Variants in CCDC88C observed in about 807,000 individuals in gnomAD.
CCDC88C encodes the protein protein Daple.
Under a neutral mutation model 198.8 loss-of-function variants are expected in CCDC88C, and 131 were observed. That is an observed-to-expected ratio of 0.66 (90% CI 0.57 to 0.76). The LOEUF is 0.76. Among genes scored for constraint, CCDC88C ranks in the 30% least tolerant of loss-of-function variants. CCDC88C has a pLI of 0.00. For missense variants in CCDC88C, 2,553 were observed against 2,631.6 expected (o/e 0.97, Z 0.65); for synonymous variants, 1,166 against 1,114.7 (o/e 1.05, Z -0.92).
At chr14:91,322,957 G>A (rs1892421446) in intron 12 of CCDC88C, among the ~76,000 whole-genome samples, 2 of 147,458 alleles carry the variant, frequency 1.4e-5, no homozygotes, top group Admixed American at 1.4e-4. Flanking sequence ...CCAGGCTGGA[G>A]TGCAGTGGTG....
Position 91,288,965 on chromosome 14 carries a change from TC to T in CCDC88C, c.4441+139del. 1.5e-6 allele frequency: 1 copy of T among 652,496 alleles called. No homozygotes were observed. The highest frequency in any genetic ancestry group is 2.4e-5 in the Admixed American group (1 of 41,978). 40.4% of individuals were successfully genotyped at this position (652,496 alleles called of 1,614,324 possible). ...TCGCCACGCTGAATTTCTACTTGGCTCGTAACACATCTAAGCGAAGGCGCAC... is the reference window on the plus strand; with the variant it reads ...TCGCCACGCTGAATTTCTACTTGGCTGTAACACATCTAAGCGAAGGCGCAC... On this transcript the variant is annotated intron_variant, in intron 25 of 29. Transcript: ENST00000389857. The surrounding 1 kb of genome is among the most constrained non-coding windows in gnomAD (Gnocchi z 4.2).
At chr14:91,310,118 CTG>C in intron 15 of CCDC88C, 132 bp from the exon 16 acceptor site, 4 of 876,922 alleles carry the variant, frequency 4.6e-6, no homozygotes, top group South Asian at 2.2e-5. Flanking sequence ...CGAGGGGACT[CTG>C]AACCCCAGGG....
chr14:91,359,428 C>A (rs148147567), intron 4 of CCDC88C, among the ~76,000 whole-genome samples: 1,769 of 152,294 alleles, frequency 0.012, 33 homozygotes, highest in African/African-American at 0.039. Context: ...TGAGCCACCG[C>A]GCCCGGCCTG....
At chr14:91,293,333 A>C in intron 23 of CCDC88C, among the ~76,000 whole-genome samples, 1 of 49,124 alleles carries the variant, frequency 2.0e-5, no homozygotes, top group Non-Finnish European at 3.9e-5. Flanking sequence ...CACCTGCCAA[A>C]GCTCACCTTC....
In CCDC88C at chr14:91,377,705, T is replaced by C. The variant is rs76282107; in HGVS notation, c.271-17994A>G. 9.7e-3 allele frequency among the ~76,000 whole-genome samples: 1,473 copies of C among 152,298 alleles called. 28 individuals carry two copies. Among genetic ancestry groups the C allele is most frequent in the African/African-American group, 0.034 (1,418 of 41,554 alleles). On this transcript the variant is annotated intron_variant, in intron 3 of 29. Coordinates refer to ENST00000389857, the MANE Select transcript of CCDC88C (RefSeq NM_001080414.4). ...CTGTGAGTAACAAAGACCTTAAAAA[T>C]TGTGACTTACACAAGATTGAAGTTT... is the stretch of plus-strand genomic sequence containing the variant.
chr14:91,328,504 G>T (rs1200820692), intron 10 of CCDC88C, among the ~76,000 whole-genome samples: 1 of 152,126 alleles, frequency 6.6e-6, no homozygotes, highest in Non-Finnish European at 1.5e-5. Flanking sequence ...CTATTTAAAG[G>T]CCCGACCCAG....
intron 15 of CCDC88C, among the ~76,000 whole-genome samples, chr14:91,310,673 G>A (rs1891778736): frequency 6.6e-6 from 1 of 152,190 alleles, no homozygotes; most frequent in African/African-American, 2.4e-5. Context: ...GTCTTCCAAA[G>A]TGCTGGGATT....
Position 91,283,478 on chromosome 14 carries a change from C to G in CCDC88C, c.4481G>C (p.Arg1494Thr). ...DLKPKRGSPH[R>T]GSLDRTDAST... is the part of the protein sequence containing the mutation. Reference sequence around the variant, plus strand: ...GGCATCTGTGCGGTCAAGGCTGCCTCTGTGTGGGGAGCCTCGCTTTGGTTT... The same window carrying G: ...GGCATCTGTGCGGTCAAGGCTGCCTGTGTGTGGGGAGCCTCGCTTTGGTTT... Residue 1494 changes from arginine (R) to threonine (T), a missense_variant, in exon 26 of 30, where the codon AGA becomes ACA. Around this residue, in one of 2 missense-constraint regions of CCDC88C, gnomAD observed 1,293 missense variants for 1,219.6 expected, o/e 1.06. Transcript: ENST00000389857. 6.2e-7 allele frequency: 1 copy of G among 1,612,856 alleles called. No individual in the cohort carries two copies. The highest frequency in any genetic ancestry group is 8.5e-7 in the Non-Finnish European group (1 of 1,179,480).
rs151288174 is a variant in CCDC88C at position 91,338,767 on chromosome 14, C to T, written c.810-197G>A. 2.5e-3 allele frequency: 1,428 copies of T among 582,110 alleles called. 13 individuals are homozygous for T. Among genetic ancestry groups the T allele is most frequent in the African/African-American group, 0.024 (1,277 of 53,688 alleles). The allele number at this position is 582,110 out of a possible 1,614,324, so 36.1% of individuals were successfully genotyped here. On this transcript the variant is annotated intron_variant, in intron 8 of 29. Transcript: ENST00000389857. The surrounding 1 kb of genome is among the most constrained non-coding windows in gnomAD (Gnocchi z 4.8). ...TTTTCTTTTCATAAGTTTGCAACAC[C>T]GGCCCTTAAACTATGTCCATCCGCC...
At chr14:91,388,556 C>T (rs942977591) in intron 3 of CCDC88C, among the ~76,000 whole-genome samples, 8 of 152,188 alleles carry the variant, frequency 5.3e-5, no homozygotes, top group African/African-American at 1.9e-4. Flanking sequence ...CTTGAGCAGA[C>T]GGTGACCGCG....
At chr14:91,370,395 G>A (rs1894738259) in intron 3 of CCDC88C, among the ~76,000 whole-genome samples, 1 of 152,192 alleles carries the variant, frequency 6.6e-6, no homozygotes, top group African/African-American at 2.4e-5. Flanking sequence ...ACCCGGCAGG[G>A]AGGGAACCAG....
At position 91,313,110 on chromosome 14, in the gene CCDC88C, C is replaced by A; in HGVS notation, c.2706G>T (p.Val902=). The A allele has an allele frequency of 1.3e-6, 2 of 1,599,744 alleles. No individual in the cohort carries two copies. Among genetic ancestry groups the A allele is most frequent in the Non-Finnish European group, 1.7e-6 (2 of 1,170,758 alleles). ...TCAGAGTTGTCAGTGTCCTTGCATG[C>A]ACGGTGACTTGCTTGGTGAGGTCCC... ...DNRDLTKQVT[V]HARTLTTLRE... The change falls in exon 15 of 30, where the codon GTG becomes GTT. Residue 902 remains valine (V), a synonymous_variant. Transcript: ENST00000389857. The surrounding 1 kb of genome is among the most constrained non-coding windows in gnomAD (Gnocchi z 5.2).
In CCDC88C at chr14:91,338,979, G is replaced by T. The variant is rs891594012; in HGVS notation, c.809+299C>A. 5.2e-5 allele frequency: 27 copies of T among 521,580 alleles called. 1 individual carries two copies. Among genetic ancestry groups the T allele is most frequent in the South Asian group, 4.5e-4 (22 of 49,402 alleles). The allele number at this position is 521,580 out of a possible 1,614,324, so 32.3% of individuals were successfully genotyped here. ...CCAAGAAAACACATCAGGTGTGGTC[G>T]TCCCGGCCCCAAGCTGGAGCTGAGC... On this transcript the variant is annotated intron_variant, in intron 8 of 29. Coordinates refer to ENST00000389857, the MANE Select transcript of CCDC88C (RefSeq NM_001080414.4). The surrounding 1 kb of genome is among the most constrained non-coding windows in gnomAD (Gnocchi z 4.8).
intron 13 of CCDC88C, among the ~76,000 whole-genome samples, chr14:91,316,413 A>C (rs935661015): frequency 3.3e-5 from 5 of 151,236 alleles, no homozygotes; most frequent in Admixed American, 3.3e-4. Flanking sequence ...TGAAATGCAG[A>C]TTCTGACTCA....
At chr14:91,383,306 G>T (rs1244421147) in intron 3 of CCDC88C, among the ~76,000 whole-genome samples, 1 of 152,240 alleles carries the variant, frequency 6.6e-6, no homozygotes, top group East Asian at 1.9e-4. Context: ...AGCCCAGGCT[G>T]GCCATGCTGC....
chr14:91,309,772 G>A, intron 16 of CCDC88C, 87 bp downstream of exon 16: 7 of 1,416,196 alleles, frequency 4.9e-6, no homozygotes, highest in Non-Finnish European at 6.7e-6. Flanking sequence ...GAGAGTTCAT[G>A]GAGGTCTCAG....
intron 3 of CCDC88C, among the ~76,000 whole-genome samples, chr14:91,375,741 A>G (rs1744828266): frequency 6.6e-6 from 1 of 152,184 alleles, no homozygotes; most frequent in Admixed American, 6.5e-5. Flanking sequence ...CCAAGCCACG[A>G]GATGAGGGGA....
In CCDC88C at chr14:91,277,955, G is replaced by A. The variant is rs750545491; in HGVS notation, c.5025C>T (p.Phe1675=). ...GGGAGCTGCGGTTGCTCTCCTCCAG[G>A]AACTCCTCCAAGGTGACCATCTCAC... The part of the protein sequence containing the change: ...PSSEMVTLEE[F]LEESNRSSPT... Residue 1675 remains phenylalanine (F), a synonymous_variant, in exon 29 of 30, where the codon TTC becomes TTT. Coordinates refer to ENST00000389857, the MANE Select transcript of CCDC88C (RefSeq NM_001080414.4). 8 of 1,533,976 alleles carry A rather than the reference G, an allele frequency of 5.2e-6. No individual in the cohort carries two copies. The highest frequency in any genetic ancestry group is 7.1e-6 in the Non-Finnish European group (8 of 1,132,560).
intron 15 of CCDC88C, among the ~76,000 whole-genome samples, chr14:91,310,438 C>T (rs1891769812): frequency 1.3e-5 from 2 of 152,068 alleles, no homozygotes; most frequent in Admixed American, 1.3e-4. Context: ...TTAGAGACAG[C>T]GTCTTGCTTG....
Sources: allele counts gnomAD v4.1 joint callset (sites outside exome capture counted in the v4.1 genomes callset), GRCh38; gene constraint gnomAD v4.1.1; regional missense constraint gnomAD v4.1.1; non-coding constraint Gnocchi (gnomAD v3.1); transcripts MANE v1.5; gene names NCBI Gene and HGNC (gene_info 2026-07-23, HGNC 2026-07-21).